EXOC6: variants seen among roughly 807,000 people sequenced by gnomAD.
EXOC6 encodes the protein SEC15-like 1.
A neutral mutation model predicts 112.5 loss-of-function variants in EXOC6; 60 were observed. That is an observed-to-expected ratio of 0.53 (90% CI 0.43 to 0.66). EXOC6 has a LOEUF of 0.66. Ranked by LOEUF, EXOC6 falls within the 30% of genes least tolerant of loss-of-function variation. The probability of loss-of-function intolerance (pLI) is 0.00; values close to 1 mark genes in which losing one functional copy is unlikely to be tolerated. For synonymous variants in EXOC6, 295 were observed against 308.0 expected (o/e 0.96, Z 0.44); for missense variants, 855 against 957.1 (o/e 0.89, Z 1.41).
chr10:93,007,896 C>T (rs937321806), intron 19 of EXOC6, among the ~76,000 whole-genome samples: 32 of 152,038 alleles, frequency 2.1e-4, no homozygotes, highest in African/African-American at 6.5e-4. Context: ...GGAATCAGGC[C>T]GGGTGCGGTG....
At chr10:92,992,235 C>T (rs1256232497) in intron 18 of EXOC6, among the ~76,000 whole-genome samples, 1 of 143,166 alleles carries the variant, frequency 7.0e-6, no homozygotes, top group Admixed American at 7.5e-5. Context: ...GTTGCGTGAG[C>T]CGAGATCCTT....
intron 18 of EXOC6, among the ~76,000 whole-genome samples, chr10:92,975,038 C>T (rs900104604): frequency 1.3e-5 from 2 of 148,834 alleles, no homozygotes; most frequent in African/African-American, 2.5e-5. Context: ...TTGTCTGGGA[C>T]GTGAGGAGCC....
At chr10:92,842,964 C>T (rs1355674579) in intron 1 of EXOC6, among the ~76,000 whole-genome samples, 1 of 152,100 alleles carries the variant, frequency 6.6e-6, no homozygotes, top group African/African-American at 2.4e-5. Flanking sequence ...CTGCGTAGGT[C>T]ACACACCATG....
At chr10:92,883,794 G>A (rs1589759619) in intron 1 of EXOC6, among the ~76,000 whole-genome samples, 1 of 152,172 alleles carries the variant, frequency 6.6e-6, no homozygotes, top group Non-Finnish European at 1.5e-5. Flanking sequence ...GTTTGAAAAG[G>A]TATAAAATGA....
intron 4 of EXOC6, among the ~76,000 whole-genome samples, chr10:92,898,289 A>G (rs1849939175): frequency 6.6e-6 from 1 of 151,140 alleles, no homozygotes; most frequent in Admixed American, 6.6e-5. Flanking sequence ...AAAATTAGCC[A>G]GCTGTGGTGG....
At chr10:92,842,706 A>T (rs1274002923) in intron 1 of EXOC6, among the ~76,000 whole-genome samples, 1 of 151,332 alleles carries the variant, frequency 6.6e-6, no homozygotes, top group Non-Finnish European at 1.5e-5. Context: ...GTGGTGGTGG[A>T]GTTGGTGGGG....
chr10:92,959,292 C>A (rs531804661), intron 17 of EXOC6, among the ~76,000 whole-genome samples: 1 of 152,260 alleles, frequency 6.6e-6, no homozygotes, highest in South Asian at 2.1e-4. Flanking sequence ...ATCAACTGGA[C>A]ATCCACATGT....
upstream of EXOC6, among the ~76,000 whole-genome samples, chr10:92,830,593 TTGTGCTGTGCA>T (rs1367685443): frequency 2.0e-5 from 3 of 152,096 alleles, no homozygotes; most frequent in Non-Finnish European, 4.4e-5. Context: ...AGGTGGGGGT[TTGTGCTGTGCA>T]TTGTAGGTTG....
In EXOC6 at chr10:92,915,896, G is replaced by A; in HGVS notation, c.802G>A (p.Asp268Asn). 6.5e-7 allele frequency: 1 copy of A among 1,538,602 alleles called. No homozygotes were observed. The highest frequency in any genetic ancestry group is 8.7e-7 in the Non-Finnish European group (1 of 1,153,826). Reference sequence around the variant, plus strand: ...ATTGAAACATTCACTTGAAGAAGAGGATGAGAATGAAGAAGAGGTGATAGG... The same window carrying A: ...ATTGAAACATTCACTTGAAGAAGAGAATGAGAATGAAGAAGAGGTGATAGG... ...TVLKHSLEEE[D>N]ENEEEILTVQ... Residue 268 changes from aspartate to asparagine, a missense_variant, in exon 7 of 22, where the codon GAT becomes AAT. Asp to Asn is a conservative substitution (Grantham distance 23). Coordinates refer to ENST00000260762, the MANE Select transcript of EXOC6 (RefSeq NM_019053.6).
chr10:92,954,552 C>A, intron 15 of EXOC6, 78 bp from the exon 16 acceptor site: 1 of 615,128 alleles, frequency 1.6e-6, no homozygotes, highest in South Asian at 2.6e-5. Flanking sequence ...TTTTAGTAAA[C>A]TGTGTTAAAT....
At chr10:92,924,587 A>G (rs1275828016) in intron 8 of EXOC6, among the ~76,000 whole-genome samples, 1 of 152,242 alleles carries the variant, frequency 6.6e-6, no homozygotes, top group Non-Finnish European at 1.5e-5. Context: ...AAACACCCAG[A>G]AAAAGGATGG....
Position 93,009,217 on chromosome 10 carries a change from A to G in EXOC6, c.2096-4977A>G, listed in dbSNP as rs117567999. On this transcript the variant is annotated intron_variant, in intron 19 of 21. Coordinates refer to ENST00000260762, the MANE Select transcript of EXOC6 (RefSeq NM_019053.6). ...AGAGTGAGACCCTGTCGCAAAAAAA[A>G]TTAACTAAAATAAAACCAAAAATTA... Among the ~76,000 whole-genome samples, 660 of 152,266 alleles carry G rather than the reference A, an allele frequency of 4.3e-3. 1 individual carries two copies. The highest frequency in any genetic ancestry group is 6.6e-3 in the Non-Finnish European group (452 of 68,030).
intron 9 of EXOC6, among the ~76,000 whole-genome samples, chr10:92,931,053 A>C (rs1226624852): frequency 7.0e-6 from 1 of 143,292 alleles, no homozygotes; most frequent in Non-Finnish European, 1.5e-5. Flanking sequence ...TGGAGGTTGC[A>C]GTGAACTGAG....
At chr10:93,005,853 T>G (rs1843952619) in intron 19 of EXOC6, among the ~76,000 whole-genome samples, 1 of 152,190 alleles carries the variant, frequency 6.6e-6, no homozygotes, top group South Asian at 2.1e-4. Context: ...TTGGTCTTTC[T>G]TAATTTTTGG....
At chr10:92,882,195 T>C (rs1027210856) in intron 1 of EXOC6, among the ~76,000 whole-genome samples, 2 of 152,172 alleles carry the variant, frequency 1.3e-5, no homozygotes, top group Admixed American at 1.3e-4. Flanking sequence ...ATAGTAGAAA[T>C]ATTTTATTCC....
intron 19 of EXOC6, among the ~76,000 whole-genome samples, chr10:93,006,875 G>T (rs1207454352): frequency 6.6e-6 from 1 of 152,072 alleles, no homozygotes; most frequent in Non-Finnish European, 1.5e-5. Flanking sequence ...CACCTGTGTG[G>T]TCATTTGCAA....
intron 8 of EXOC6, among the ~76,000 whole-genome samples, chr10:92,921,554 C>G (rs1442365332): frequency 1.3e-5 from 2 of 151,836 alleles, no homozygotes; most frequent in African/African-American, 4.8e-5. Context: ...AGCCTATTTT[C>G]TTAGTATTAG....
At chr10:92,950,734 T>G (rs1455548329) in intron 14 of EXOC6, among the ~76,000 whole-genome samples, 1 of 152,186 alleles carries the variant, frequency 6.6e-6, no homozygotes. Context: ...GAGTTTATCC[T>G]TTTTCCTGAG....
intron 1 of EXOC6, among the ~76,000 whole-genome samples, chr10:92,868,003 C>A (rs1250774003): frequency 6.6e-6 from 1 of 152,058 alleles, no homozygotes; most frequent in Non-Finnish European, 1.5e-5. Flanking sequence ...TTAAAATTGC[C>A]ATTAGAAACA....
Sources: allele counts gnomAD v4.1 joint callset (sites outside exome capture counted in the v4.1 genomes callset), GRCh38; gene constraint gnomAD v4.1.1; transcripts MANE v1.5; gene names NCBI Gene and HGNC (gene_info 2026-07-23, HGNC 2026-07-21).